The following GIGYF2 variants were observed in gnomAD, a reference collection of about 807,000 sequenced individuals.
GIGYF2 encodes the protein GRB10-interacting GYF protein 2.
A neutral mutation model predicts 208.1 loss-of-function variants in GIGYF2; 25 were observed. The observed-to-expected ratio is 0.12, with a 90% CI of 0.09 to 0.17. GIGYF2 has a LOEUF of 0.17. Ranked by LOEUF, GIGYF2 falls within the 10% of genes least tolerant of loss-of-function variation. The probability of loss-of-function intolerance (pLI) is 1.00; values close to 1 mark genes in which losing one functional copy is unlikely to be tolerated. For synonymous variants in GIGYF2, 534 were observed against 543.8 expected (o/e 0.98, Z 0.25); for missense variants, 1,302 against 1,579.4 (o/e 0.82, Z 2.98).
Position 232,794,743 on chromosome 2 carries a change from C to A in GIGYF2, c.1283-5C>A. The A allele has an allele frequency of 6.2e-7, 1 of 1,610,454 alleles. No individual in the cohort carries two copies. Among genetic ancestry groups the A allele is most frequent in the Non-Finnish European group, 8.5e-7 (1 of 1,176,758 alleles). On this transcript the variant is annotated splice_polypyrimidine_tract_variant and splice_region_variant and intron_variant, in intron 12 of 28. Coordinates refer to ENST00000373563, the MANE Select transcript of GIGYF2 (RefSeq NM_001103146.3). ...AAGGATTTTCATCTGATTTTTTCCC[C>A]CTAGAAATGGTTGCTGATGTCCAGC...
At chr2:232,752,593 T>C (rs1021255343) in intron 5 of GIGYF2, among the ~76,000 whole-genome samples, 1 of 152,120 alleles carries the variant, frequency 6.6e-6, no homozygotes, top group Non-Finnish European at 1.5e-5. Context: ...CAGGCTGGAG[T>C]GCAGTGGCGC....
At chr2:232,776,783 C>A (rs1699532639) in intron 8 of GIGYF2, 1 of 302,130 alleles carries the variant, frequency 3.3e-6, no homozygotes, top group Non-Finnish European at 6.1e-6. Context: ...GCATTTTTTC[C>A]CTCTAATCAG....
chr2:232,713,658 T>C (rs1256920722), intron 2 of GIGYF2, among the ~76,000 whole-genome samples: 1 of 152,358 alleles, frequency 6.6e-6, no homozygotes, highest in South Asian at 2.1e-4. Context: ...CTTAGGCTTC[T>C]TTAGCTATGA....
intron 28 of GIGYF2, among the ~76,000 whole-genome samples, chr2:232,855,614 T>C (rs974260114): frequency 5.3e-5 from 8 of 152,200 alleles, no homozygotes; most frequent in Non-Finnish European, 1.0e-4. Context: ...TGGAGCCTCT[T>C]ACCCTGAGTA....
chr2:232,708,828 A>AT (rs1174575409), intron 2 of GIGYF2, among the ~76,000 whole-genome samples: 8 of 147,900 alleles, frequency 5.4e-5, no homozygotes, highest in Admixed American at 3.4e-4. Context: ...AAAAAAAAAA[A>AT]TTTTTTTTTC....
intron 8 of GIGYF2, among the ~76,000 whole-genome samples, chr2:232,784,383 T>TTAC (rs1208383900): frequency 1.1e-5 from 1 of 89,624 alleles, no homozygotes; most frequent in African/African-American, 5.6e-5. Flanking sequence ...CACGAAATAA[T>TTAC]TTCTTTTTTT....
intron 3 of GIGYF2, among the ~76,000 whole-genome samples, chr2:232,747,382 A>G (rs1698184439): frequency 6.6e-6 from 1 of 152,178 alleles, no homozygotes; most frequent in Admixed American, 6.6e-5. Flanking sequence ...CATAGCCGTG[A>G]TGCCTTTTAA....
intron 15 of GIGYF2, among the ~76,000 whole-genome samples, chr2:232,807,590 T>G (rs1012654041): frequency 1.3e-5 from 2 of 152,202 alleles, no homozygotes; most frequent in African/African-American, 2.4e-5. Flanking sequence ...ACTGGGGTAC[T>G]GTTGGCAGGG....
At chr2:232,733,445 T>C (rs1193036930) in intron 2 of GIGYF2, among the ~76,000 whole-genome samples, 2 of 152,144 alleles carry the variant, frequency 1.3e-5, no homozygotes, top group Non-Finnish European at 2.9e-5. Context: ...GATAAATGAA[T>C]AGCTGATTAT....
intron 8 of GIGYF2, among the ~76,000 whole-genome samples, chr2:232,777,653 T>C: frequency 1.5e-5 from 2 of 136,340 alleles, no homozygotes; most frequent in African/African-American, 5.6e-5. Context: ...TATTAATTCC[T>C]TCTTTGTTTT....
chr2:232,814,828 CA>C (rs1380605506), intron 18 of GIGYF2, among the ~76,000 whole-genome samples: 2 of 152,074 alleles, frequency 1.3e-5, no homozygotes. Context: ...TATATGCAGT[CA>C]AGTTCCTTTA....
At chr2:232,839,527 C>T (rs1037042083) in intron 22 of GIGYF2, among the ~76,000 whole-genome samples, 2 of 152,092 alleles carry the variant, frequency 1.3e-5, no homozygotes, top group African/African-American at 2.4e-5. Context: ...TTTGTTTACT[C>T]CTCTTTATGG....
intron 14 of GIGYF2, 129 bp downstream of exon 14, chr2:232,796,350 G>A (rs1297032689): frequency 4.2e-6 from 3 of 716,784 alleles, no homozygotes; most frequent in Non-Finnish European, 7.6e-6. Flanking sequence ...GCGCACACAC[G>A]CAGACTAGAA....
intron 14 of GIGYF2, among the ~76,000 whole-genome samples, chr2:232,798,229 A>AT (rs1157885012): frequency 6.6e-6 from 1 of 152,204 alleles, no homozygotes; most frequent in Non-Finnish European, 1.5e-5. Context: ...GTTGTTGCAT[A>AT]TATCAGTAGC....
chr2:232,844,898 T>TCTACC (rs1701947898), intron 25 of GIGYF2, among the ~76,000 whole-genome samples: 1 of 152,194 alleles, frequency 6.6e-6, no homozygotes, highest in African/African-American at 2.4e-5. Flanking sequence ...ACCTTAGCAT[T>TCTACC]TTTCCTATAT....
intron 2 of GIGYF2, among the ~76,000 whole-genome samples, chr2:232,707,662 G>T (rs923470998): frequency 2.1e-5 from 3 of 141,586 alleles, no homozygotes; most frequent in Non-Finnish European, 4.5e-5. Flanking sequence ...TTTTGAGACA[G>T]AGTTTCGCTC....
chr2:232,795,515 G>A (rs1700198112), intron 13 of GIGYF2, among the ~76,000 whole-genome samples: 1 of 152,170 alleles, frequency 6.6e-6, no homozygotes, highest in South Asian at 2.1e-4. Context: ...ATTTATAATT[G>A]TATTAATTGA....
intron 26 of GIGYF2, 97 bp downstream of exon 26, chr2:232,845,983 G>A: frequency 6.2e-6 from 5 of 802,874 alleles, no homozygotes; most frequent in South Asian, 4.3e-5. Flanking sequence ...GTCAAAAGAT[G>A]AAATCTAAGG....
chr2:232,774,357 C>T (rs1699420787), intron 8 of GIGYF2, among the ~76,000 whole-genome samples: 1 of 152,046 alleles, frequency 6.6e-6, no homozygotes. Context: ...AGGTTAGAAA[C>T]AGATATTCAG....
Sources: gnomAD v4.1 joint callset for allele counts (sites outside exome capture counted in the v4.1 genomes callset) on GRCh38, gnomAD v4.1.1 for gene constraint, MANE v1.5 for transcripts, NCBI Gene and HGNC (gene_info 2026-07-23, HGNC 2026-07-21) for gene names.